Variants in TASOR2 observed in about 807,000 individuals in gnomAD.
TASOR2 encodes the protein protein TASOR 2.
TASOR2 carries 84 observed loss-of-function variants against 199.5 expected under a neutral mutation model. That is an observed-to-expected ratio of 0.42 (90% CI 0.35 to 0.50). The LOEUF (loss-of-function observed/expected upper bound fraction) is 0.50, where lower values mean the gene tolerates loss of function less well. Among genes scored for constraint, TASOR2 ranks in the 20% least tolerant of loss-of-function variants. The pLI, the probability that TASOR2 is intolerant of heterozygous loss-of-function variation, is 0.02. For missense variants in TASOR2, 2,796 were observed against 2,835.9 expected, an observed-to-expected ratio of 0.99 and a Z score of 0.32; for synonymous variants, 1,103 against 1,046.6, an observed-to-expected ratio of 1.05 and a Z score of -1.04.
At chr10:5,747,202 A>G (rs1837342291) in exon 15 of TASOR2, 1 of 1,613,956 alleles carries the variant, frequency 6.2e-7, no homozygotes, top group African/African-American at 1.3e-5. Flanking sequence ...AGTATTTATC[A>G]AACAAACAAG....
rs1449062171 is a variant in TASOR2 at position 5,689,592 on chromosome 10, T to C, written c.-288+4417T>C. Among the ~76,000 whole-genome samples, 1 of 152,182 alleles carries C rather than the reference T, an allele frequency of 6.6e-6. No individual in the cohort carries two copies. Among genetic ancestry groups the C allele is most frequent in the Non-Finnish European group, 1.5e-5 (1 of 68,036 alleles). On this transcript the variant is annotated intron_variant, in intron 1 of 20. Coordinates refer to ENST00000328090, the Ensembl canonical transcript of TASOR2. This position sits in a 1 kb window ranked among gnomAD's most constrained non-coding sequence, Gnocchi z 4.1. The stretch of plus-strand genomic sequence containing the variant: ...TCCAGCCTGGGCGACAGAGCAAGAC[T>C]CCATCTCAAAAAAACAAAAAAACAA...
At chr10:5,731,132 C>T (rs1395535978) in exon 11 of TASOR2, 2 of 1,612,268 alleles carry the variant, frequency 1.2e-6, no homozygotes, top group Admixed American at 1.7e-5. Context: ...GCTTCCAGAG[C>T]AGACAACAGC....
chr10:5,756,536 C>G, intron 15 of TASOR2, 77 bp from the exon 17 acceptor site: 1 of 1,478,144 alleles, frequency 6.8e-7, no homozygotes. Flanking sequence ...TACTGCTTTT[C>G]ATTATTTTAA....
In TASOR2 at chr10:5,754,393, T is replaced by C. The variant is rs190569988; in HGVS notation, c.6607-2220T>C. The stretch of plus-strand genomic sequence containing the variant: ...AGTTTTATTCATAGCAGAAGTACTT[T>C]TTTTTTTTTAATTGAGATGAAGTTT... On this transcript the variant is annotated intron_variant, in intron 15 of 20. Transcript: ENST00000328090. The surrounding 1 kb of genome is among the most constrained non-coding windows in gnomAD (Gnocchi z 4.3). Among the ~76,000 whole-genome samples the C allele has an allele frequency of 6.6e-6, 1 of 152,020 alleles. No individual in the cohort carries two copies. The highest frequency in any genetic ancestry group is 2.4e-5 in the African/African-American group (1 of 41,502).
At position 5,692,149 on chromosome 10, in the gene TASOR2, CAAAAA is replaced by C. The variant is rs3047334; in HGVS notation, c.-288+6985_-288+6989del. ...CAGATTGTGCCACTGCACTCTGTCT[CAAAAA>C]AAAAAAAAAAGCCATATTCATTATG... On this transcript the variant is annotated intron_variant, in intron 1 of 20. Transcript: ENST00000328090. Among the ~76,000 whole-genome samples the C allele has an allele frequency of 1.8e-5, 2 of 112,270 alleles. 1 individual carries two copies. Among genetic ancestry groups the C allele is most frequent in the African/African-American group, 7.0e-5 (2 of 28,602 alleles). 73.7% of individuals were successfully genotyped at this position (112,270 alleles called of 152,430 possible).
Position 5,720,829 on chromosome 10 carries a change from CA to C in TASOR2, c.47-41del, listed in dbSNP as rs1833265829. ...TTTTTTTTTTCTTGAGTAAATGTTT[CA>C]TCATAAATAATCAGTTTCTTTTTTA... On this transcript the variant is annotated intron_variant, in intron 5 of 20. Transcript: ENST00000328090. This position sits in a 1 kb window ranked among gnomAD's most constrained non-coding sequence, Gnocchi z 5.3. The C allele has an allele frequency of 6.3e-7, 1 of 1,592,104 alleles. No homozygotes were observed.
rs1564335144 is a variant in TASOR2, at chr10:5,742,433, CTG to C, written c.2668_2669del (p.Val890ThrfsTer3). The C allele has an allele frequency of 1.2e-6, 2 of 1,613,926 alleles. No individual in the cohort carries two copies. Among genetic ancestry groups the C allele is most frequent in the African/African-American group, 2.7e-5 (2 of 74,888 alleles). On this transcript the variant is annotated frameshift_variant, in exon 14 of 21. Coordinates refer to ENST00000328090, the Ensembl canonical transcript of TASOR2. LOFTEE classifies it high-confidence loss of function. This position sits in a 1 kb window ranked among gnomAD's most constrained non-coding sequence, Gnocchi z 4.2. ...CACCACTTACCCAAGGCTTGGAACT[CTG>C]TGTACAAAATGAACAGAAAAAAACT... is the stretch of plus-strand genomic sequence containing the variant.
chr10:5,747,232 G>A, exon 15 of TASOR2: 1 of 1,614,152 alleles, frequency 6.2e-7, no homozygotes, highest in Non-Finnish European at 8.5e-7. Flanking sequence ...GAGTAGAGAG[G>A]TCAGCCTAGA....
At chr10:5,761,395 A>T (rs540260317) in exon 19 of TASOR2, 1 of 1,614,000 alleles carries the variant, frequency 6.2e-7, no homozygotes, top group Non-Finnish European at 8.5e-7. Flanking sequence ...GATCATCAAC[A>T]AAAGCAGAAA....
intron 7 of TASOR2, among the ~76,000 whole-genome samples, 177 bp from the exon 9 acceptor site, chr10:5,724,253 A>AT (rs1833745397): frequency 6.6e-6 from 1 of 152,232 alleles, no homozygotes; most frequent in Admixed American, 6.5e-5. Context: ...TTGTTTTAAA[A>AT]TAACTATTTT....
intron 14 of TASOR2, 91 bp from the exon 16 acceptor site, chr10:5,746,088 T>G: frequency 7.4e-7 from 1 of 1,349,126 alleles, no homozygotes; most frequent in Non-Finnish European, 9.8e-7. Flanking sequence ...AAATTAATTT[T>G]TATCTTTTCT....
At chr10:5,705,515 G>A (rs1252297646) in intron 1 of TASOR2, among the ~76,000 whole-genome samples, 1 of 152,028 alleles carries the variant, frequency 6.6e-6, no homozygotes. Flanking sequence ...AGAATTTTGG[G>A]TCATATGGTA....
chr10:5,686,316 G>T (rs1201362802), intron 1 of TASOR2, among the ~76,000 whole-genome samples: 1 of 152,174 alleles, frequency 6.6e-6, no homozygotes, highest in Admixed American at 6.5e-5. Context: ...GTTAAAATGG[G>T]TTAAAATCGG....
intron 1 of TASOR2, among the ~76,000 whole-genome samples, chr10:5,695,455 G>C (rs1279605371): frequency 6.6e-6 from 1 of 152,146 alleles, no homozygotes; most frequent in East Asian, 1.9e-4. Context: ...GTATTGATTT[G>C]GTGTGTAATT....
chr10:5,721,003 C>T, intron 6 of TASOR2, 33 bp downstream of exon 7: 1 of 1,530,432 alleles, frequency 6.5e-7, no homozygotes, highest in Non-Finnish European at 8.9e-7. Flanking sequence ...TTTACTAATG[C>T]TTATATTACA....
At chr10:5,696,294 G>T (rs1390060027) in intron 1 of TASOR2, among the ~76,000 whole-genome samples, 1 of 152,184 alleles carries the variant, frequency 6.6e-6, no homozygotes, top group Non-Finnish European at 1.5e-5. Flanking sequence ...GGATCCATCA[G>T]ATCACCTGGA....
chr10:5,756,823 G>A, intron 16 of TASOR2, 85 bp downstream of exon 17: 1 of 1,427,278 alleles, frequency 7.0e-7, no homozygotes, highest in South Asian at 1.3e-5. Context: ...CTTTTTTTAT[G>A]TAGAAGAGAA....
intron 8 of TASOR2, among the ~76,000 whole-genome samples, chr10:5,724,833 G>GT (rs1833843658): frequency 6.6e-6 from 1 of 151,736 alleles, no homozygotes; most frequent in South Asian, 2.1e-4. Flanking sequence ...TATGTATACT[G>GT]TGTTTTTTTC....
intron 19 of TASOR2, among the ~76,000 whole-genome samples, chr10:5,762,241 C>CCTAT (rs1022510315): frequency 2.4e-5 from 3 of 123,952 alleles, no homozygotes; most frequent in Admixed American, 9.1e-5. Flanking sequence ...AGAACAAGAC[C>CCTAT]CTATCTATCT....
Sources: allele counts gnomAD v4.1 joint callset (sites outside exome capture counted in the v4.1 genomes callset), GRCh38; gene constraint gnomAD v4.1.1; non-coding constraint Gnocchi (gnomAD v3.1); transcripts MANE v1.5; gene names NCBI Gene and HGNC (gene_info 2026-07-23, HGNC 2026-07-21).